PAFAH1B1: variants seen among roughly 807,000 people sequenced by gnomAD.
PAFAH1B1 encodes the protein platelet activating factor acetylhydrolase 1b regulatory subunit 1.
Under a neutral mutation model 57.5 loss-of-function variants are expected in PAFAH1B1, and 2 were observed. The observed-to-expected ratio is 0.03, with a 90% CI of 0.01 to 0.11. The LOEUF (loss-of-function observed/expected upper bound fraction) is 0.11. Ranked by LOEUF, PAFAH1B1 falls within the 10% of genes least tolerant of loss-of-function variation. The probability of loss-of-function intolerance (pLI) is 1.00; values close to 1 mark genes in which losing one functional copy is unlikely to be tolerated. For synonymous variants in PAFAH1B1, 152 were observed against 169.6 expected (o/e 0.90, Z 0.81); for missense variants, 257 against 512.0 (o/e 0.50, Z 4.81).
At chr17:2,660,711 CAT>C (rs1418009364) in intron 2 of PAFAH1B1, among the ~76,000 whole-genome samples, 8 of 152,246 alleles carry the variant, frequency 5.3e-5, no homozygotes, top group South Asian at 4.1e-4. Context: ...CTGCAGTAAA[CAT>C]GTGTGCATGT....
At position 2,682,526 on chromosome 17, in the gene PAFAH1B1, A is replaced by G. The variant is rs892055391; in HGVS notation, c.*724A>G. ...GTCTTAATGCTTTGTAAACAGGTCA[A>G]AAAATACTGTCATACTCTAAGCTTC... is the stretch of plus-strand genomic sequence containing the variant. On this transcript the variant is annotated 3_prime_UTR_variant, in exon 11 of 11. Coordinates refer to ENST00000397195, the MANE Select transcript of PAFAH1B1 (RefSeq NM_000430.4). 3 of 152,658 alleles carry G rather than the reference A, an allele frequency of 2.0e-5. No individual in the cohort carries two copies. Among genetic ancestry groups the G allele is most frequent in the Non-Finnish European group, 4.4e-5 (3 of 68,038 alleles). The allele number at this position is 152,658 out of a possible 1,614,324, so 9.5% of individuals were successfully genotyped here.
rs1463095332 is a variant in PAFAH1B1, at chr17:2,676,621, T to G, written c.1002+15T>G. The G allele has an allele frequency of 7.0e-7, 1 of 1,421,936 alleles. No individual in the cohort carries two copies. The allele number at this position is 1,421,936 out of a possible 1,614,324, so 88.1% of individuals were successfully genotyped here. On this transcript the variant is annotated intron_variant, in intron 9 of 10. Transcript: ENST00000397195. ...TTATGACCCTCGTAAGTTTGCATAA[T>G]CTTACCATTTCTTTTGCATCTTCAC...
chr17:2,639,639 C>G (rs891428232), intron 2 of PAFAH1B1: 2 of 152,046 alleles, frequency 1.3e-5, no homozygotes, highest in Non-Finnish European at 2.9e-5. Context: ...CTCTGTCGCC[C>G]AGGCTGGAGT....
chr17:2,617,890 C>T (rs1432292735), intron 1 of PAFAH1B1, among the ~76,000 whole-genome samples: 2 of 151,594 alleles, frequency 1.3e-5, no homozygotes, highest in African/African-American at 2.4e-5. Flanking sequence ...CGCCATTGCA[C>T]TCCAGCCTGG....
At position 2,593,657 on chromosome 17, in the gene PAFAH1B1, C is replaced by T; in HGVS notation, c.-540C>T. ...GCGTTGGGGCAGCTCCTGTGACAGA[C>T]GGAGCTGGAGCGGCGGGGCGGCGGC... On this transcript the variant is annotated 5_prime_UTR_variant, in exon 1 of 11. In the 5' UTR this introduces an upstream ATG that the reference lacks. Coordinates refer to ENST00000397195, the MANE Select transcript of PAFAH1B1 (RefSeq NM_000430.4). 3.7e-6 allele frequency: 1 copy of T among 272,766 alleles called. No homozygotes were observed. Among genetic ancestry groups the T allele is most frequent in the Non-Finnish European group, 6.7e-6 (1 of 150,212 alleles). The allele number at this position is 272,766 out of a possible 1,614,324, so 16.9% of individuals were successfully genotyped here. A position where few individuals can be genotyped will look rare whatever the true frequency, so the allele number is the denominator to read the frequency against.
At chr17:2,660,437 G>A (rs2068999652) in intron 2 of PAFAH1B1, among the ~76,000 whole-genome samples, 1 of 151,948 alleles carries the variant, frequency 6.6e-6, no homozygotes, top group Non-Finnish European at 1.5e-5. Context: ...GGTGTGTGTT[G>A]TTCCCCTCCC....
At chr17:2,645,826 ACTCT>A (rs1265983544) in intron 2 of PAFAH1B1, among the ~76,000 whole-genome samples, 2 of 149,168 alleles carry the variant, frequency 1.3e-5, no homozygotes, top group Non-Finnish European at 3.0e-5. Flanking sequence ...GGATGGTCTC[ACTCT>A]CCTGACCTCG....
At chr17:2,658,371 G>A (rs911284182) in intron 2 of PAFAH1B1, among the ~76,000 whole-genome samples, 1 of 152,196 alleles carries the variant, frequency 6.6e-6, no homozygotes, top group Non-Finnish European at 1.5e-5. Context: ...CAACTGTTTA[G>A]TGACTGCCCT....
intron 2 of PAFAH1B1, among the ~76,000 whole-genome samples, chr17:2,659,009 T>G (rs956743636): frequency 6.6e-6 from 1 of 152,200 alleles, no homozygotes; most frequent in African/African-American, 2.4e-5. Context: ...ATCCCAGCAC[T>G]TTGGGCCAAG....
intron 2 of PAFAH1B1, among the ~76,000 whole-genome samples, chr17:2,650,639 CAAAAAAAAAAA>C (rs10582467): frequency 9.2e-6 from 1 of 108,832 alleles, no homozygotes; most frequent in Non-Finnish European, 1.9e-5. Context: ...GACTCTGTCT[CAAAAAAAAAAA>C]AAAAAAAAAA....
At chr17:2,680,780 A>G (rs2069371580) in intron 10 of PAFAH1B1, 4 of 241,912 alleles carry the variant, frequency 1.7e-5, no homozygotes, top group African/African-American at 6.9e-5. Flanking sequence ...ACAGTCAAGT[A>G]TAATAAATGC....
intron 1 of PAFAH1B1, among the ~76,000 whole-genome samples, chr17:2,613,042 T>TAA (rs34932981): frequency 9.8e-5 from 13 of 132,360 alleles, no homozygotes; most frequent in Non-Finnish European, 1.3e-4. Flanking sequence ...TAATAATTTG[T>TAA]AAAAAAAAAA....
intron 2 of PAFAH1B1, among the ~76,000 whole-genome samples, chr17:2,660,054 G>A (rs1181797470): frequency 6.6e-6 from 1 of 152,106 alleles, no homozygotes; most frequent in African/African-American, 2.4e-5. Context: ...GACTCCATGT[G>A]TGCTTCTGGT....
chr17:2,684,646 C>G lies in PAFAH1B1; in HGVS notation c.*2844C>G, dbSNP rs1008405699. The G allele has an allele frequency of 2.0e-5, 3 of 152,690 alleles. No individual in the cohort carries two copies. Among genetic ancestry groups the G allele is most frequent in the Non-Finnish European group, 4.4e-5 (3 of 68,094 alleles). 9.5% of individuals were successfully genotyped at this position (152,690 alleles called of 1,614,324 possible). A position where few individuals can be genotyped will look rare whatever the true frequency, so the allele number is the denominator to read the frequency against. ...GACTGGTTTAGACACCGCGTGGAGC[C>G]TAGTTGCCTGTTGTCACGGCATCTT... On this transcript the variant is annotated 3_prime_UTR_variant, in exon 11 of 11. Transcript: ENST00000397195.
Position 2,680,232 on chromosome 17 carries a change from T to C in PAFAH1B1, c.1071T>C (p.Ala357=). The C allele has an allele frequency of 6.2e-7, 1 of 1,614,106 alleles. No homozygotes were observed. Residue 357 remains alanine (A), a synonymous_variant, in exon 10 of 11, where the codon GCT becomes GCC. Coordinates refer to ENST00000397195, the MANE Select transcript of PAFAH1B1 (RefSeq NM_000430.4). ...HSGGKFILSC[A]DDKTLRVWDY... is the part of the protein sequence containing the mutation. Reference sequence around the variant, plus strand: ...GGGGGAAGTTTATTTTGAGTTGTGCTGATGACAAGACCCTACGCGTATGGG... The same window carrying C: ...GGGGGAAGTTTATTTTGAGTTGTGCCGATGACAAGACCCTACGCGTATGGG...
Position 2,671,568 on chromosome 17 carries a change from CA to C in PAFAH1B1, c.569-1086del, listed in dbSNP as rs780618500. The stretch of plus-strand genomic sequence containing the variant: ...ACTTTAAAAAGAGTTCTTTCTAATG[CA>C]TTTTTTTTTTTTACCCCCAACACCA... On this transcript the variant is annotated intron_variant, in intron 6 of 10. Transcript: ENST00000397195. Among the ~76,000 whole-genome samples, 876 of 102,346 alleles carry C rather than the reference CA, an allele frequency of 8.6e-3. 7 individuals are homozygous for C. Among genetic ancestry groups the C allele is most frequent in the Non-Finnish European group, 0.012 (625 of 50,154 alleles). 67.1% of individuals were successfully genotyped at this position (102,346 alleles called of 152,430 possible). A position where few individuals can be genotyped will look rare whatever the true frequency, so the allele number is the denominator to read the frequency against.
At chr17:2,608,462 A>G (rs1315458368) in intron 1 of PAFAH1B1, among the ~76,000 whole-genome samples, 1 of 152,180 alleles carries the variant, frequency 6.6e-6, no homozygotes, top group Non-Finnish European at 1.5e-5. Flanking sequence ...ATTACAGACA[A>G]TGCTGCAGTG....
chr17:2,650,655 A>C (rs1281350111), intron 2 of PAFAH1B1, among the ~76,000 whole-genome samples: 8 of 151,330 alleles, frequency 5.3e-5, no homozygotes, highest in Non-Finnish European at 8.8e-5. Context: ...AAAAAAAAAA[A>C]AAAAAGGAAG....
intron 2 of PAFAH1B1, among the ~76,000 whole-genome samples, chr17:2,653,239 G>A (rs2068890181): frequency 6.6e-6 from 1 of 152,246 alleles, no homozygotes; most frequent in African/African-American, 2.4e-5. Context: ...CTGGACACAG[G>A]AAGGGGAACA....
Sources: allele counts gnomAD v4.1 joint callset (sites outside exome capture counted in the v4.1 genomes callset), GRCh38; gene constraint gnomAD v4.1.1; transcripts MANE v1.5; gene names NCBI Gene and HGNC (gene_info 2026-07-23, HGNC 2026-07-21).